Variants in CFAP299 observed in about 807,000 individuals in gnomAD.
CFAP299 encodes cilia- and flagella-associated protein 299.
CFAP299 carries 21 observed loss-of-function variants against 27.0 expected under a neutral mutation model. That is an observed-to-expected ratio of 0.78 (90% confidence interval 0.55 to 1.12). The LOEUF (loss-of-function observed/expected upper bound fraction) is 1.12, where lower values mean the gene tolerates loss of function less well. Ranked by LOEUF, CFAP299 falls within the 50% of genes most tolerant of loss-of-function variation. The pLI, the probability that CFAP299 is intolerant of heterozygous loss-of-function variation, is 0.00. For missense variants in CFAP299, 310 were observed against 276.6 expected (o/e 1.12, Z -0.86); for synonymous variants, 104 against 98.1 (o/e 1.06, Z -0.36).
chr4:80,808,643 A>G (rs1168647187), intron 3 of CFAP299, among the ~76,000 whole-genome samples: 2 of 152,102 alleles, frequency 1.3e-5, no homozygotes, highest in Non-Finnish European at 2.9e-5. Flanking sequence ...CTTTTCATAA[A>G]ATAGGCATTT....
chr4:80,695,128 C>G (rs959754246), intron 3 of CFAP299, among the ~76,000 whole-genome samples: 1 of 152,072 alleles, frequency 6.6e-6, no homozygotes, highest in Non-Finnish European at 1.5e-5. Flanking sequence ...TATTTGGGGA[C>G]AGGATAGTAT....
chr4:80,880,618 T>C (rs1424871203), intron 4 of CFAP299, among the ~76,000 whole-genome samples: 6 of 151,890 alleles, frequency 4.0e-5, no homozygotes, highest in African/African-American at 2.4e-5. Context: ...CTCAGCTACT[T>C]GGGAGGCTGA....
intron 3 of CFAP299, among the ~76,000 whole-genome samples, chr4:80,835,302 G>T (rs939649290): frequency 6.6e-6 from 1 of 151,970 alleles, no homozygotes; most frequent in Admixed American, 6.6e-5. Flanking sequence ...GTTTCACCAT[G>T]TTAGCCAGGG....
chr4:80,796,926 A>T (rs1371952184), intron 3 of CFAP299, among the ~76,000 whole-genome samples: 1 of 152,170 alleles, frequency 6.6e-6, no homozygotes, highest in African/African-American at 2.4e-5. Flanking sequence ...AAGTATGTCT[A>T]TGCCAATTAG....
chr4:80,636,001 A>G (rs1254822654), intron 3 of CFAP299, among the ~76,000 whole-genome samples: 1 of 152,224 alleles, frequency 6.6e-6, no homozygotes, highest in East Asian at 1.9e-4. Context: ...CTAAAAGGAA[A>G]TGTACATTGA....
At chr4:80,815,351 A>C (rs1393507199) in intron 3 of CFAP299, among the ~76,000 whole-genome samples, 1 of 151,796 alleles carries the variant, frequency 6.6e-6, no homozygotes, top group Non-Finnish European at 1.5e-5. Flanking sequence ...TGTATGTGCA[A>C]TGAAGTGTGA....
At chr4:80,808,087 A>T (rs886996344) in intron 3 of CFAP299, among the ~76,000 whole-genome samples, 3 of 152,116 alleles carry the variant, frequency 2.0e-5, no homozygotes, top group Non-Finnish European at 2.9e-5. Context: ...AACCTTAAAA[A>T]GTTAAACATA....
intron 3 of CFAP299, among the ~76,000 whole-genome samples, chr4:80,810,197 C>T (rs1463557447): frequency 1.3e-5 from 2 of 151,864 alleles, no homozygotes; most frequent in Non-Finnish European, 2.9e-5. Flanking sequence ...TTTTGAATTT[C>T]TGTATTTTTT....
At chr4:80,790,999 A>G (rs1367743759) in intron 3 of CFAP299, among the ~76,000 whole-genome samples, 2 of 152,024 alleles carry the variant, frequency 1.3e-5, no homozygotes, top group African/African-American at 2.4e-5. Flanking sequence ...AAAATTTCCA[A>G]TTATATAATG....
intron 4 of CFAP299, among the ~76,000 whole-genome samples, chr4:80,878,628 T>C (rs1370326453): frequency 3.9e-5 from 6 of 152,150 alleles, no homozygotes; most frequent in African/African-American, 1.4e-4. Flanking sequence ...TTCTGTTTTT[T>C]TCTTTAAAAT....
chr4:80,386,727 C>A (rs914808137), intron 2 of CFAP299: 1 of 1,557,968 alleles, frequency 6.4e-7, no homozygotes, highest in African/African-American at 1.3e-5. Flanking sequence ...AGCTTCATGC[C>A]GGAGTGGGAG....
At chr4:80,949,276 G>A (rs959750369) in intron 5 of CFAP299, among the ~76,000 whole-genome samples, 1 of 152,064 alleles carries the variant, frequency 6.6e-6, no homozygotes, top group African/African-American at 2.4e-5. Context: ...AGTGTTTTTA[G>A]GGAAATAAGT....
intron 3 of CFAP299, among the ~76,000 whole-genome samples, chr4:80,626,899 A>G (rs1577950071): frequency 6.6e-6 from 1 of 152,026 alleles, no homozygotes. Context: ...TCACTGCTGA[A>G]TTCTATCAAA....
intron 2 of CFAP299, 127 bp downstream of exon 2, chr4:80,363,011 C>A (rs1723632326): frequency 9.5e-6 from 10 of 1,052,204 alleles, no homozygotes; most frequent in Non-Finnish European, 1.2e-5. Flanking sequence ...ATATCCTAAG[C>A]ATTTGTTCTG....
At chr4:80,628,894 A>G (rs1025835401) in intron 3 of CFAP299, among the ~76,000 whole-genome samples, 4 of 152,212 alleles carry the variant, frequency 2.6e-5, no homozygotes, top group East Asian at 1.9e-4. Context: ...TGCAGCCATT[A>G]TGGAAAACAG....
intron 3 of CFAP299, among the ~76,000 whole-genome samples, chr4:80,634,434 A>G (rs1739388170): frequency 6.6e-6 from 1 of 151,926 alleles, no homozygotes; most frequent in Non-Finnish European, 1.5e-5. Context: ...AATGGAGAAG[A>G]CAGTATTTAC....
chr4:80,421,125 C>T (rs192671552), intron 2 of CFAP299, among the ~76,000 whole-genome samples: 10 of 152,286 alleles, frequency 6.6e-5, no homozygotes, highest in Admixed American at 3.9e-4. Flanking sequence ...AAACACTTCA[C>T]GTGGCCTTCC....
chr4:80,757,984 C>T (rs904696321), intron 3 of CFAP299, among the ~76,000 whole-genome samples: 16 of 152,142 alleles, frequency 1.1e-4, no homozygotes, highest in Non-Finnish European at 5.9e-5. Context: ...AGCATAACTT[C>T]GTGCAGGCCC....
chr4:80,471,026 T>C (rs879672471), intron 2 of CFAP299, among the ~76,000 whole-genome samples: 2 of 152,182 alleles, frequency 1.3e-5, no homozygotes, highest in Non-Finnish European at 2.9e-5. Context: ...TATTGAGTCA[T>C]GTAATTATCC....
Sources: allele counts gnomAD v4.1 joint callset (sites outside exome capture counted in the v4.1 genomes callset), GRCh38; gene constraint gnomAD v4.1.1; transcripts MANE v1.5; gene names NCBI Gene and HGNC (gene_info 2026-07-23, HGNC 2026-07-21).